Variants in RAB40C observed in about 807,000 individuals in gnomAD.
The protein encoded by RAB40C is RAB40C, member RAS oncogene family, also known as ras-related protein Rab-40C.
In RAB40C, 8 loss-of-function variants were observed where a neutral mutation model predicts 28.1. The observed-to-expected ratio is 0.28, with a 90% confidence interval of 0.17 to 0.51. The LOEUF is 0.51. RAB40C is among the 20% of genes least tolerant of loss of function. The probability of loss-of-function intolerance (pLI) is 0.97; values close to 1 mark genes in which losing one functional copy is unlikely to be tolerated. For missense variants in RAB40C, 288 were observed against 405.9 expected, an observed-to-expected ratio of 0.71 and a Z score of 2.50; for synonymous variants, 201 against 171.7, an observed-to-expected ratio of 1.17 and a Z score of -1.34.
chr16:624,637 A>C (rs1596417525), intron 3 of RAB40C: 3 of 985,310 alleles, frequency 3.0e-6, no homozygotes, highest in Non-Finnish European at 2.4e-6. Flanking sequence ...AGGCTCTTCC[A>C]TTACGTGAAG....
chr16:609,872 G>C (rs865776700), intron 1 of RAB40C, among the ~76,000 whole-genome samples: 1 of 152,274 alleles, frequency 6.6e-6, no homozygotes, highest in Admixed American at 6.5e-5. Context: ...TGTGCCTGGA[G>C]GGGGGAGCTG....
intron 3 of RAB40C, chr16:624,000 T>C (rs930649361): frequency 1.0e-6 from 1 of 985,412 alleles, no homozygotes; most frequent in African/African-American, 1.7e-5. Context: ...GGGTTGCACA[T>C]CTCTCCTTGG....
chr16:589,481 G>C (rs997627900), upstream of RAB40C: 1 of 152,254 alleles, frequency 6.6e-6, no homozygotes, highest in Admixed American at 6.5e-5. Context: ...GCATCCTGCC[G>C]CCCGTCCGCG....
intron 1 of RAB40C, among the ~76,000 whole-genome samples, chr16:611,982 C>G (rs2036496267): frequency 1.9e-5 from 1 of 53,778 alleles, no homozygotes; most frequent in African/African-American, 9.4e-5. Flanking sequence ...AAGGGACAGC[C>G]GCCCTGGCCT....
At chr16:617,292 A>G in intron 2 of RAB40C, 24 bp downstream of exon 2, 1 of 1,613,626 alleles carries the variant, frequency 6.2e-7, no homozygotes, top group Non-Finnish European at 8.5e-7. Flanking sequence ...GCGGCACTTC[A>G]GTTCCTGGGT....
intron 1 of RAB40C, among the ~76,000 whole-genome samples, chr16:606,595 G>A (rs1206720505): frequency 6.6e-6 from 1 of 152,256 alleles, no homozygotes; most frequent in African/African-American, 2.4e-5. Flanking sequence ...ACAGGAAGAT[G>A]TTCTCTTGCT....
chr16:623,312 C>A (rs1372111500), intron 3 of RAB40C, among the ~76,000 whole-genome samples: 1 of 152,206 alleles, frequency 6.6e-6, no homozygotes, highest in African/African-American at 2.4e-5. Context: ...TCCATATAAA[C>A]TTCTTCAGTG....
intron 3 of RAB40C, chr16:624,395 A>G (rs1338055849): frequency 6.1e-6 from 6 of 985,330 alleles, no homozygotes; most frequent in South Asian, 9.4e-5. Context: ...TGACTTGGCC[A>G]TCTCTGGCCT....
intron 3 of RAB40C, chr16:624,336 G>A: frequency 1.0e-6 from 1 of 985,472 alleles, no homozygotes; most frequent in Non-Finnish European, 1.2e-6. Flanking sequence ...GTTAACCCCT[G>A]GGTGTGCATT....
chr16:598,072 C>T lies in RAB40C; in HGVS notation c.142+7639C>T, dbSNP rs532583164. Among the ~76,000 whole-genome samples the T allele has an allele frequency of 6.5e-4, 98 of 151,808 alleles. 6 individuals carry two copies. The South Asian group carries it at 0.012, about 18-fold the overall frequency. On this transcript the variant is annotated intron_variant, in intron 1 of 5. Coordinates refer to ENST00000248139, the MANE Select transcript of RAB40C (RefSeq NM_021168.5). ...CCATCCTGGCCAACATGATGAAACC[C>T]CGTCTCTACTAAAAATACAAAAATT...
At chr16:599,522 A>G (rs2036204899) in intron 1 of RAB40C, among the ~76,000 whole-genome samples, 1 of 152,240 alleles carries the variant, frequency 6.6e-6, no homozygotes, top group Non-Finnish European at 1.5e-5. Context: ...ATAGGCATGT[A>G]CGTGAAAATG....
At chr16:591,655 A>C (rs1484204848) in intron 1 of RAB40C, among the ~76,000 whole-genome samples, 1 of 150,454 alleles carries the variant, frequency 6.6e-6, no homozygotes, top group Admixed American at 6.6e-5. Flanking sequence ...GCAGTGGCAC[A>C]ATTTCAGCTC....
intron 5 of RAB40C, 77 bp from the exon 6 acceptor site, chr16:627,265 C>T (rs570026294): frequency 6.9e-7 from 1 of 1,441,804 alleles, no homozygotes; most frequent in African/African-American, 1.4e-5. Context: ...CCAGGCTTCT[C>T]TTGGGCACCT....
At chr16:594,783 C>T (rs970462132) in intron 1 of RAB40C, among the ~76,000 whole-genome samples, 1 of 151,762 alleles carries the variant, frequency 6.6e-6, no homozygotes, top group Non-Finnish European at 1.5e-5. Context: ...AGTCCCTTCT[C>T]CTCCCCTGCA....
intron 1 of RAB40C, among the ~76,000 whole-genome samples, chr16:616,249 C>G (rs1241808526): frequency 6.7e-6 from 1 of 148,162 alleles, no homozygotes. Flanking sequence ...GAGCAAGACT[C>G]TGTCTCAAAA....
chr16:598,211 C>T (rs2036173613), intron 1 of RAB40C, among the ~76,000 whole-genome samples: 1 of 151,884 alleles, frequency 6.6e-6, no homozygotes, highest in Non-Finnish European at 1.5e-5. Context: ...AACCCTGTCT[C>T]TATAAAAATA....
intron 1 of RAB40C, among the ~76,000 whole-genome samples, chr16:599,009 G>A (rs1290909234): frequency 6.6e-6 from 1 of 152,144 alleles, no homozygotes; most frequent in Non-Finnish European, 1.5e-5. Flanking sequence ...CAACGTTGTC[G>A]GCCACCTGGG....
At chr16:605,799 A>T (rs931993494) in intron 1 of RAB40C, among the ~76,000 whole-genome samples, 5 of 152,060 alleles carry the variant, frequency 3.3e-5, no homozygotes, top group Non-Finnish European at 7.4e-5. Context: ...TGCTGTTGGG[A>T]CGTACTGAGG....
intron 1 of RAB40C, among the ~76,000 whole-genome samples, chr16:599,711 C>T (rs2036210854): frequency 8.2e-6 from 1 of 122,260 alleles, no homozygotes; most frequent in African/African-American, 2.9e-5. Context: ...GTTTTGTTCC[C>T]TCGTGGCATC....
Sources: gnomAD v4.1 joint callset for allele counts (sites outside exome capture counted in the v4.1 genomes callset) on GRCh38, gnomAD v4.1.1 for gene constraint, MANE v1.5 for transcripts, NCBI Gene and HGNC (gene_info 2026-07-23, HGNC 2026-07-21) for gene names.